The following C2CD3 variants were observed in gnomAD, a reference collection of about 807,000 sequenced individuals.
C2CD3 encodes the protein C2 domain-containing protein 3.
In C2CD3, 148 loss-of-function variants were observed where a neutral mutation model predicts 234.0. The ratio of observed to expected loss-of-function variants is 0.63; its 90% CI spans 0.55 to 0.72. C2CD3 has a LOEUF of 0.72. C2CD3 is among the 30% of genes least tolerant of loss of function. C2CD3 has a pLI of 0.00. For synonymous variants in C2CD3, 1,000 were observed against 1,035.4 expected (o/e 0.97, Z 0.66); for missense variants, 2,577 against 2,811.5 (o/e 0.92, Z 1.89).
chr11:74,136,852 T>C (rs996872070), intron 5 of C2CD3, among the ~76,000 whole-genome samples: 13 of 151,894 alleles, frequency 8.6e-5, no homozygotes, highest in African/African-American at 2.9e-4. Flanking sequence ...TAATGTAGGT[T>C]ACAGGTTGAT....
intron 25 of C2CD3, among the ~76,000 whole-genome samples, chr11:74,055,737 C>T (rs989221387): frequency 6.6e-6 from 1 of 152,134 alleles, no homozygotes; most frequent in Admixed American, 6.5e-5. Context: ...CTATGAAGAT[C>T]AAAAGAAACA....
chr11:74,134,458 G>C (rs544529618), intron 5 of C2CD3, among the ~76,000 whole-genome samples: 1 of 152,184 alleles, frequency 6.6e-6, no homozygotes, highest in Admixed American at 6.5e-5. Flanking sequence ...TGAGGTGATA[G>C]TGTGCTATAA....
At chr11:74,031,476 T>C (rs1287398724) in intron 31 of C2CD3, among the ~76,000 whole-genome samples, 1 of 152,216 alleles carries the variant, frequency 6.6e-6, no homozygotes, top group Non-Finnish European at 1.5e-5. Context: ...TGCCTATTCA[T>C]CTTTAAGGCC....
chr11:74,051,127 A>C (rs962565805), intron 26 of C2CD3, among the ~76,000 whole-genome samples: 4 of 151,044 alleles, frequency 2.6e-5, no homozygotes, highest in South Asian at 2.1e-4. Context: ...TCTCTAAAAA[A>C]AACAAAACAA....
intron 3 of C2CD3, among the ~76,000 whole-genome samples, chr11:74,148,505 A>G (rs893786796): frequency 2.0e-5 from 3 of 152,066 alleles, no homozygotes; most frequent in Non-Finnish European, 2.9e-5. Context: ...ATATAATAGC[A>G]TAAGTTTGAT....
intron 9 of C2CD3, among the ~76,000 whole-genome samples, chr11:74,115,286 A>G (rs566238201): frequency 6.6e-6 from 1 of 152,032 alleles, no homozygotes; most frequent in Non-Finnish European, 1.5e-5. Context: ...CACATACATT[A>G]TACAATACAT....
intron 24 of C2CD3, among the ~76,000 whole-genome samples, chr11:74,064,933 G>T (rs1452490946): frequency 1.3e-5 from 2 of 152,144 alleles, no homozygotes; most frequent in Admixed American, 1.3e-4. Flanking sequence ...ATGGATTAAA[G>T]ACTTAAATGT....
chr11:74,102,392 A>C (rs899881138), intron 14 of C2CD3, among the ~76,000 whole-genome samples: 1 of 152,266 alleles, frequency 6.6e-6, no homozygotes, highest in Non-Finnish European at 1.5e-5. Flanking sequence ...AATGACCAGC[A>C]GGCAGTTAGA....
chr11:74,031,529 T>C (rs944228582), intron 31 of C2CD3, among the ~76,000 whole-genome samples: 15 of 152,198 alleles, frequency 9.9e-5, no homozygotes, highest in African/African-American at 3.1e-4. Context: ...CAAGTAGAGT[T>C]AGGGCAGCTC....
intron 3 of C2CD3, among the ~76,000 whole-genome samples, chr11:74,155,506 G>A (rs1405994199): frequency 6.6e-6 from 1 of 152,088 alleles, no homozygotes; most frequent in Non-Finnish European, 1.5e-5. Context: ...CAATCCAAAT[G>A]TCTATCAACT....
At chr11:74,109,838 C>T (rs576903110) in intron 11 of C2CD3, among the ~76,000 whole-genome samples, 113 of 151,896 alleles carry the variant, frequency 7.4e-4, no homozygotes, top group Admixed American at 1.7e-3. Flanking sequence ...TTTGGGAGGC[C>T]GAGATGGGCA....
chr11:74,060,400 T>G (rs553006966), intron 24 of C2CD3, among the ~76,000 whole-genome samples: 13 of 152,212 alleles, frequency 8.5e-5, no homozygotes, highest in Non-Finnish European at 1.9e-4. Context: ...TACAGCTGGG[T>G]TCCCCTTTGA....
intron 29 of C2CD3, 139 bp from the exon 30 acceptor site, chr11:74,037,837 C>A (rs781725932): frequency 1.5e-6 from 1 of 663,740 alleles, no homozygotes; most frequent in Non-Finnish European, 2.6e-6. Context: ...AAGTCCCTCT[C>A]TCTCCAATCC....
chr11:74,116,524 G>A lies in C2CD3; in HGVS notation c.1520+1704C>T, dbSNP rs535046137. ...AAAAGGGAACACTATTACACTGCTGGTGGGAATGTAAACTAGTACAACTAC... is the reference window on the plus strand; with the variant it reads ...AAAAGGGAACACTATTACACTGCTGATGGGAATGTAAACTAGTACAACTAC... On this transcript the variant is annotated intron_variant, in intron 9 of 32. Coordinates refer to ENST00000334126, the MANE Select transcript of C2CD3 (RefSeq NM_001286577.2). 2.6e-5 allele frequency among the ~76,000 whole-genome samples: 4 copies of A among 152,064 alleles called. No individual in the cohort carries two copies. The South Asian group carries it at 6.2e-4, about 24-fold the overall frequency.
intron 28 of C2CD3, among the ~76,000 whole-genome samples, chr11:74,046,674 T>G (rs1169467117): frequency 6.6e-6 from 1 of 152,162 alleles, no homozygotes; most frequent in African/African-American, 2.4e-5. Flanking sequence ...GCATAATTAT[T>G]TTTATATTCA....
Position 74,033,978 on chromosome 11 carries a change from T to C in C2CD3, c.6182A>G (p.Asp2061Gly), listed in dbSNP as rs938479476. 2 of 1,536,344 alleles carry C rather than the reference T, an allele frequency of 1.3e-6. No homozygotes were observed. The highest frequency in any genetic ancestry group is 1.7e-6 in the Non-Finnish European group (2 of 1,146,976). Residue 2061 changes from aspartate (D) to glycine (G), a missense_variant, in exon 31 of 33, where the codon GAT becomes GGT. Physicochemically the swap from Asp to Gly is moderately conservative, Grantham distance 94. Transcript: ENST00000334126. ...AATGATGTCTTCTTCATAGTCCTCATCACTGTAGGCTGGGCCTGCCTCAGT... is the reference window on the plus strand; with the variant it reads ...AATGATGTCTTCTTCATAGTCCTCACCACTGTAGGCTGGGCCTGCCTCAGT... Reference protein sequence around the residue: ...EDTEAGPAYSDEDYEEDIIEP... With the variant: ...EDTEAGPAYSGEDYEEDIIEP...
rs1342892518 is a variant in C2CD3 at position 74,074,328 on chromosome 11, C to G, written c.4876G>C (p.Glu1626Gln). ...STTAEVRLTQ[E>Q]GPADLDGTFA... ...GTTCCATCCAAATCAGCAGGGCCCT[C>G]CTGCGTCAGGCGGACTTCAGCTGTG... Residue 1626 changes from glutamate to glutamine, a missense_variant, in exon 24 of 33, where the codon GAG becomes CAG. Coordinates refer to ENST00000334126, the MANE Select transcript of C2CD3 (RefSeq NM_001286577.2). The G allele has an allele frequency of 1.1e-5, 17 of 1,614,246 alleles. No individual in the cohort carries two copies. Among genetic ancestry groups the G allele is most frequent in the Non-Finnish European group, 1.4e-5 (17 of 1,180,048 alleles).
At chr11:74,047,153 C>T (rs1353926366) in intron 28 of C2CD3, among the ~76,000 whole-genome samples, 1 of 152,188 alleles carries the variant, frequency 6.6e-6, no homozygotes, top group Non-Finnish European at 1.5e-5. Context: ...CCACCCTGTC[C>T]CTTGAGCAGG....
At chr11:74,058,597 T>C (rs910526803) in intron 24 of C2CD3, among the ~76,000 whole-genome samples, 1 of 152,176 alleles carries the variant, frequency 6.6e-6, no homozygotes, top group Non-Finnish European at 1.5e-5. Flanking sequence ...CCAGAGTCCA[T>C]GTTCTAAACT....
Sources: allele counts gnomAD v4.1 joint callset (sites outside exome capture counted in the v4.1 genomes callset), GRCh38; gene constraint gnomAD v4.1.1; transcripts MANE v1.5; gene names NCBI Gene and HGNC (gene_info 2026-07-23, HGNC 2026-07-21).